Variants in SESTD1 observed in about 807,000 individuals in gnomAD.
SESTD1 encodes SEC14 and spectrin domain containing 1.
A neutral mutation model predicts 101.7 loss-of-function variants in SESTD1; 43 were observed. The observed-to-expected ratio is 0.42, with a 90% CI of 0.33 to 0.55. SESTD1 has a LOEUF of 0.55. Ranked by LOEUF, SESTD1 falls within the 20% of genes least tolerant of loss-of-function variation. The pLI is 0.07. For synonymous variants in SESTD1, 283 were observed against 286.8 expected (o/e 0.99, Z 0.13); for missense variants, 647 against 815.1 (o/e 0.79, Z 2.51).
intron 13 of SESTD1, among the ~76,000 whole-genome samples, chr2:179,120,218 A>G (rs948207358): frequency 3.3e-5 from 5 of 149,278 alleles, no homozygotes; most frequent in African/African-American, 1.3e-4. Context: ...ACAGAGCGAG[A>G]CTCTGTTTCA....
intron 1 of SESTD1, among the ~76,000 whole-genome samples, chr2:179,202,463 G>A (rs1443975468): frequency 7.5e-6 from 1 of 133,730 alleles, no homozygotes; most frequent in African/African-American, 3.0e-5. Context: ...CGGACCCTTG[G>A]CTTTTCTTGA....
chr2:179,117,692 T>C, intron 13 of SESTD1, 79 bp from the exon 14 acceptor site: 1 of 1,115,882 alleles, frequency 9.0e-7, no homozygotes, highest in Non-Finnish European at 1.3e-6. Flanking sequence ...TTGGTACATG[T>C]ATTTTATAGT....
intron 1 of SESTD1, among the ~76,000 whole-genome samples, chr2:179,263,209 G>A (rs745616520): frequency 6.6e-6 from 1 of 152,136 alleles, no homozygotes; most frequent in African/African-American, 2.4e-5. Context: ...AAAGTATTAC[G>A]TATAAAAGCT....
chr2:179,250,394 C>G (rs2047298552), intron 1 of SESTD1, among the ~76,000 whole-genome samples: 1 of 152,226 alleles, frequency 6.6e-6, no homozygotes, highest in Non-Finnish European at 1.5e-5. Context: ...AACACTGGAT[C>G]ACTCATTGTA....
chr2:179,229,749 T>TATATATATATATATATATATATATATATA (rs2046950405), intron 1 of SESTD1, among the ~76,000 whole-genome samples: 1 of 106,358 alleles, frequency 9.4e-6, no homozygotes, highest in Non-Finnish European at 2.0e-5. Context: ...TTGTAAGAAC[T>TATATATATATATATATATATATATATATA]TATATATATA....
rs146576249 is a variant in SESTD1, at chr2:179,180,324, T to A, written c.164+2756A>T. On this transcript the variant is annotated intron_variant, in intron 3 of 17. Coordinates refer to ENST00000428443, the MANE Select transcript of SESTD1 (RefSeq NM_178123.5). The stretch of plus-strand genomic sequence containing the variant: ...TATTATATTCAAAACGTTAAGATAG[T>A]CATTGCATGAAAAAAACAATTTTGG... Among the ~76,000 whole-genome samples the A allele has an allele frequency of 9.9e-4, 151 of 152,232 alleles. 1 individual carries two copies. The East Asian group carries it at 0.027, about 27-fold the overall frequency.
chr2:179,105,312 G>A lies in SESTD1; in HGVS notation c.*4587C>T, dbSNP rs1016770868. ...TTTCTTTTACTTGTGTCTATTAACAGGGTTATGTCACACCTTGTCAACCTC... is the reference window on the plus strand; with the variant it reads ...TTTCTTTTACTTGTGTCTATTAACAAGGTTATGTCACACCTTGTCAACCTC... On this transcript the variant is annotated 3_prime_UTR_variant, in exon 18 of 18. Coordinates refer to ENST00000428443, the MANE Select transcript of SESTD1 (RefSeq NM_178123.5). The A allele has an allele frequency of 7.2e-5, 11 of 151,878 alleles. No homozygotes were observed. The highest frequency in any genetic ancestry group is 2.7e-4 in the African/African-American group (11 of 41,400). 9.4% of individuals were successfully genotyped at this position (151,878 alleles called of 1,614,324 possible).
At chr2:179,154,800 C>G (rs767504644) in intron 5 of SESTD1, among the ~76,000 whole-genome samples, 1 of 152,138 alleles carries the variant, frequency 6.6e-6, no homozygotes, top group Non-Finnish European at 1.5e-5. Context: ...TATACAGAAT[C>G]TCATAACCAA....
chr2:179,120,356 T>C (rs966153470), intron 13 of SESTD1, among the ~76,000 whole-genome samples: 1 of 152,134 alleles, frequency 6.6e-6, no homozygotes, highest in East Asian at 1.9e-4. Flanking sequence ...AAGTAGGCAA[T>C]TGGAATTATG....
chr2:179,186,754 C>T (rs1420113594), intron 2 of SESTD1, among the ~76,000 whole-genome samples: 2 of 142,116 alleles, frequency 1.4e-5, no homozygotes, highest in African/African-American at 5.3e-5. Context: ...GTGGCGCGAT[C>T]TTGGCTCACT....
chr2:179,113,274 C>CAT (rs1347415645), intron 16 of SESTD1, among the ~76,000 whole-genome samples: 3 of 152,082 alleles, frequency 2.0e-5, no homozygotes, highest in Admixed American at 2.0e-4. Context: ...TCTCAAAGAG[C>CAT]ATATAGACAT....
At chr2:179,243,961 TACACAC>T (rs1220156890) in intron 1 of SESTD1, among the ~76,000 whole-genome samples, 34 of 144,066 alleles carry the variant, frequency 2.4e-4, no homozygotes, top group Non-Finnish European at 4.1e-4. Context: ...TATATATATA[TACACAC>T]ACACACACAC....
chr2:179,158,817 T>C (rs956119677), intron 5 of SESTD1, among the ~76,000 whole-genome samples: 1 of 152,190 alleles, frequency 6.6e-6, no homozygotes, highest in Non-Finnish European at 1.5e-5. Context: ...ACATACAGAA[T>C]TGTATCAACA....
intron 2 of SESTD1, among the ~76,000 whole-genome samples, chr2:179,185,454 GTA>G (rs2046197431): frequency 7.1e-6 from 1 of 140,278 alleles, no homozygotes; most frequent in Non-Finnish European, 1.5e-5. Flanking sequence ...GTAATATATA[GTA>G]TATGATATAC....
chr2:179,183,833 GGAGAGA>G (rs368416135), intron 2 of SESTD1, among the ~76,000 whole-genome samples: 55 of 141,474 alleles, frequency 3.9e-4, no homozygotes, highest in Non-Finnish European at 5.7e-4. Context: ...AGAAAAGAAA[GGAGAGA>G]GAGAGAGAGA....
chr2:179,156,677 C>CT (rs1318943180), intron 5 of SESTD1, among the ~76,000 whole-genome samples: 1 of 151,928 alleles, frequency 6.6e-6, no homozygotes, highest in Non-Finnish European at 1.5e-5. Context: ...GGATTGTTTG[C>CT]TTTTTTTCTT....
intron 1 of SESTD1, among the ~76,000 whole-genome samples, chr2:179,198,719 GA>G (rs1559140839): frequency 1.3e-5 from 2 of 151,878 alleles, no homozygotes; most frequent in Admixed American, 6.6e-5. Context: ...GGTACATAAC[GA>G]AATGAAGGCA....
At chr2:179,256,191 T>C (rs989158601) in intron 1 of SESTD1, among the ~76,000 whole-genome samples, 4 of 152,218 alleles carry the variant, frequency 2.6e-5, no homozygotes, top group African/African-American at 9.7e-5. Context: ...TCAAGTCTTA[T>C]TATTTTAGAA....
rs199968962 is a variant in SESTD1 at position 179,204,111 on chromosome 2, C to CAT, written c.-25-12247_-25-12246dup. 1.3e-4 allele frequency among the ~76,000 whole-genome samples: 17 copies of CAT among 131,756 alleles called. 1 individual carries two copies. The highest frequency in any genetic ancestry group is 6.1e-4 in the East Asian group (3 of 4,958). The allele number at this position is 131,756 out of a possible 152,430, so 86.4% of individuals were successfully genotyped here. ...GAGAAATATTGTCATTGAAAAGTTT[C>CAT]ATATATATATATACACACACATACA... On this transcript the variant is annotated intron_variant, in intron 1 of 17. Coordinates refer to ENST00000428443, the MANE Select transcript of SESTD1 (RefSeq NM_178123.5).
Sources: gnomAD v4.1 joint callset for allele counts (sites outside exome capture counted in the v4.1 genomes callset) on GRCh38, gnomAD v4.1.1 for gene constraint, MANE v1.5 for transcripts, NCBI Gene and HGNC (gene_info 2026-07-23, HGNC 2026-07-21) for gene names.